The following RERE variants were observed in gnomAD, a reference collection of about 807,000 sequenced individuals.
RERE encodes the protein arginine-glutamic acid dipeptide repeats protein.
A neutral mutation model predicts 146.1 loss-of-function variants in RERE; 40 were observed. The ratio of observed to expected loss-of-function variants is 0.27; its 90% CI spans 0.21 to 0.36. RERE has a LOEUF of 0.36. Ranked by LOEUF, RERE falls within the 10% of genes least tolerant of loss-of-function variation. The pLI, the probability that RERE is intolerant of heterozygous loss-of-function variation, is 1.00. For synonymous variants in RERE, 1,003 were observed against 866.0 expected, an observed-to-expected ratio of 1.16 and a Z score of -2.78; for missense variants, 1,933 against 2,138.7, an observed-to-expected ratio of 0.90 and a Z score of 1.90.
At chr1:8,537,432 C>A (rs1645742095) in intron 7 of RERE, among the ~76,000 whole-genome samples, 1 of 152,090 alleles carries the variant, frequency 6.6e-6, no homozygotes, top group Non-Finnish European at 1.5e-5. Flanking sequence ...CACAAACTCA[C>A]ACAAAGTGAA....
rs546629128 is a variant in RERE at position 8,493,155 on chromosome 1, C to T, written c.1104+1908G>A. Among the ~76,000 whole-genome samples the T allele has an allele frequency of 2.0e-5, 3 of 152,296 alleles. No individual in the cohort carries two copies. In the East Asian group the frequency reaches 5.8e-4, roughly 29 times the overall value. On this transcript the variant is annotated intron_variant, in intron 10 of 22. Transcript: ENST00000400908. The stretch of plus-strand genomic sequence containing the variant: ...CAAAGACTTTCTCTTTGTACACACA[C>T]TTTTAAGGTATTCTGAATTCACAGA...
At position 8,359,980 on chromosome 1, in the gene RERE, G is replaced by A. The variant is rs1221729321; in HGVS notation, c.3402C>T (p.Tyr1134=). 5 of 1,612,300 alleles carry A rather than the reference G, an allele frequency of 3.1e-6. No homozygotes were observed. Among genetic ancestry groups the A allele is most frequent in the African/African-American group, 1.3e-5 (1 of 74,918 alleles). ...PSHASQSARF[Y]KHLDRGYNSC... Reference sequence around the variant, plus strand: ...AGTTGTAGCCCCGGTCCAGGTGTTTGTAGAACCTGAGAAAAGCCACAGATC... The same window carrying A: ...AGTTGTAGCCCCGGTCCAGGTGTTTATAGAACCTGAGAAAAGCCACAGATC... The change falls in exon 19 of 23, where the codon TAC becomes TAT. Residue 1134 remains tyrosine, a synonymous_variant. Transcript: ENST00000400908.
chr1:8,691,533 C>A (rs892365028), intron 1 of RERE, among the ~76,000 whole-genome samples: 2 of 152,086 alleles, frequency 1.3e-5, no homozygotes, highest in Non-Finnish European at 2.9e-5. Flanking sequence ...CTAGGGCTCA[C>A]CAGAATAGGA....
intron 12 of RERE, among the ~76,000 whole-genome samples, chr1:8,401,017 C>CAA (rs142269202): frequency 0.011 from 709 of 65,040 alleles, 15 homozygotes; most frequent in Non-Finnish European, 0.017. Context: ...GACTCTGTCT[C>CAA]AAAAAAAAAA....
intron 1 of RERE, among the ~76,000 whole-genome samples, chr1:8,725,732 A>G (rs1413935717): frequency 6.6e-6 from 1 of 152,176 alleles, no homozygotes; most frequent in African/African-American, 2.4e-5. Context: ...TTTCCAAACC[A>G]TATTTGATGA....
In RERE at chr1:8,569,800, T is replaced by C. The variant is rs191975028; in HGVS notation, c.523-12277A>G. On this transcript the variant is annotated intron_variant, in intron 4 of 22. Transcript: ENST00000400908. ...CCAGTTATTCTGGAGACTGAGGCGGTAGGATCTCCTGAGCCCAACAGCTAA... is the reference window on the plus strand; with the variant it reads ...CCAGTTATTCTGGAGACTGAGGCGGCAGGATCTCCTGAGCCCAACAGCTAA... Among the ~76,000 whole-genome samples, 5 of 151,700 alleles carry C rather than the reference T, an allele frequency of 3.3e-5. No individual in the cohort carries two copies. The East Asian group carries it at 9.7e-4, about 30-fold the overall frequency.
chr1:8,366,487 CTGCCCAGG>C (rs1641808002), intron 12 of RERE, among the ~76,000 whole-genome samples: 1 of 152,202 alleles, frequency 6.6e-6, no homozygotes, highest in African/African-American at 2.4e-5. Flanking sequence ...CCAAAGCAAA[CTGCCCAGG>C]TGGTGAGGAA....
intron 8 of RERE, among the ~76,000 whole-genome samples, chr1:8,499,842 T>A (rs1645104990): frequency 2.0e-5 from 3 of 152,164 alleles, no homozygotes; most frequent in Admixed American, 2.0e-4. Context: ...ACAATGGGCC[T>A]GGCGTGGTGG....
At chr1:8,627,300 C>T (rs958763237) in intron 2 of RERE, among the ~76,000 whole-genome samples, 5 of 151,936 alleles carry the variant, frequency 3.3e-5, no homozygotes, top group African/African-American at 4.8e-5. Flanking sequence ...CTACCTTCCC[C>T]GTACTCACCA....
chr1:8,470,731 A>G (rs1293296743), intron 10 of RERE, among the ~76,000 whole-genome samples: 1 of 149,198 alleles, frequency 6.7e-6, no homozygotes, highest in East Asian at 2.0e-4. Flanking sequence ...AAGGGGCACT[A>G]TCTTCTTAAT....
chr1:8,489,946 A>C (rs1182292860), intron 10 of RERE, among the ~76,000 whole-genome samples: 1 of 151,900 alleles, frequency 6.6e-6, no homozygotes, highest in Non-Finnish European at 1.5e-5. Flanking sequence ...GCTACTCGGG[A>C]GGCTGAGGCA....
intron 1 of RERE, among the ~76,000 whole-genome samples, chr1:8,673,455 C>T (rs1473296051): frequency 2.0e-5 from 3 of 152,114 alleles, no homozygotes; most frequent in Admixed American, 1.3e-4. Context: ...ATATCACAGA[C>T]AATACACTCC....
chr1:8,373,009 G>A (rs892164975), intron 12 of RERE, among the ~76,000 whole-genome samples: 3 of 152,186 alleles, frequency 2.0e-5, no homozygotes, highest in Admixed American at 6.5e-5. Flanking sequence ...ATTTCTTTCC[G>A]AAGCTATTTC....
chr1:8,496,500 C>G (rs1404193981), intron 9 of RERE, among the ~76,000 whole-genome samples: 1 of 144,778 alleles, frequency 6.9e-6, no homozygotes, highest in Admixed American at 6.9e-5. Flanking sequence ...AAGTAACAAC[C>G]AAAAAAAAAA....
intron 4 of RERE, among the ~76,000 whole-genome samples, chr1:8,570,343 T>C (rs1036084635): frequency 1.3e-5 from 2 of 151,752 alleles, no homozygotes; most frequent in South Asian, 2.1e-4. Context: ...AAAATAATAA[T>C]AATAAAAATA....
chr1:8,617,176 C>T (rs1046303732), intron 3 of RERE, among the ~76,000 whole-genome samples: 1 of 151,840 alleles, frequency 6.6e-6, no homozygotes, highest in Non-Finnish European at 1.5e-5. Context: ...AACCCCGTCT[C>T]TACTAAGAAT....
chr1:8,467,960 A>G (rs17381420), intron 10 of RERE, among the ~76,000 whole-genome samples: 7,446 of 152,276 alleles, frequency 0.049, 254 homozygotes, highest in Middle Eastern at 0.082. Context: ...TCCATTTTCA[A>G]TGCTCACTCA....
At chr1:8,674,484 A>G (rs1638789925) in intron 1 of RERE, among the ~76,000 whole-genome samples, 1 of 152,238 alleles carries the variant, frequency 6.6e-6, no homozygotes, top group Non-Finnish European at 1.5e-5. Flanking sequence ...AAGGAGGCAG[A>G]GACTCCATTT....
At chr1:8,454,284 C>T (rs1238455641) in intron 11 of RERE, among the ~76,000 whole-genome samples, 1 of 152,192 alleles carries the variant, frequency 6.6e-6, no homozygotes, top group African/African-American at 2.4e-5. Flanking sequence ...TGTGTACGCA[C>T]ACATGCATGT....
Sources: allele counts gnomAD v4.1 joint callset (sites outside exome capture counted in the v4.1 genomes callset), GRCh38; gene constraint gnomAD v4.1.1; transcripts MANE v1.5; gene names NCBI Gene and HGNC (gene_info 2026-07-23, HGNC 2026-07-21).